Variants in PLEKHG1 observed in about 807,000 individuals in gnomAD.
PLEKHG1 encodes the protein pleckstrin homology domain-containing family G member 1.
A neutral mutation model predicts 100.8 loss-of-function variants in PLEKHG1; 44 were observed. That is an observed-to-expected ratio of 0.44 (90% CI 0.34 to 0.56). PLEKHG1 has a LOEUF of 0.56. Ranked by LOEUF, PLEKHG1 falls within the 20% of genes least tolerant of loss-of-function variation. PLEKHG1 has a pLI of 0.01. For synonymous variants in PLEKHG1, 640 were observed against 662.5 expected (o/e 0.97, Z 0.52); for missense variants, 1,545 against 1,720.9 (o/e 0.90, Z 1.81).
intron 3 of PLEKHG1, among the ~76,000 whole-genome samples, chr6:150,772,001 A>T (rs572084081): frequency 6.6e-6 from 1 of 152,330 alleles, no homozygotes; most frequent in East Asian, 1.9e-4. Context: ...GCATAAAGAT[A>T]TTATAAACAA....
chr6:150,840,068 C>T (rs1354508822), exon 16 of PLEKHG1: 1 of 1,614,110 alleles, frequency 6.2e-7, no homozygotes, highest in South Asian at 1.1e-5. Flanking sequence ...CAAGATATCC[C>T]ACGTTTGAGA....
chr6:150,634,764 T>C (rs1265535002), intron 1 of PLEKHG1, among the ~76,000 whole-genome samples: 2 of 152,232 alleles, frequency 1.3e-5, no homozygotes, highest in Admixed American at 6.5e-5. Context: ...AATCTTGATT[T>C]TGTAGAGAAC....
At chr6:150,808,868 A>T (rs970501133) in intron 7 of PLEKHG1, among the ~76,000 whole-genome samples, 1 of 152,176 alleles carries the variant, frequency 6.6e-6, no homozygotes, top group Non-Finnish European at 1.5e-5. Flanking sequence ...ATGATTAAGG[A>T]ATGGAAATAA....
intron 3 of PLEKHG1, among the ~76,000 whole-genome samples, chr6:150,705,826 A>T (rs1780982365): frequency 6.6e-6 from 1 of 152,164 alleles, no homozygotes. Context: ...CGGTGTGTTA[A>T]AAGTTTTATC....
At chr6:150,607,235 A>G (rs1406727235) in intron 1 of PLEKHG1, among the ~76,000 whole-genome samples, 1 of 152,120 alleles carries the variant, frequency 6.6e-6, no homozygotes, top group Non-Finnish European at 1.5e-5. Context: ...GTGACTAGCA[A>G]GCTGATTGCA....
At chr6:150,669,291 G>T (rs1338417521) in intron 3 of PLEKHG1, among the ~76,000 whole-genome samples, 1 of 152,102 alleles carries the variant, frequency 6.6e-6, no homozygotes, top group East Asian at 1.9e-4. Flanking sequence ...GAGGAGAAAA[G>T]ATGACTTTTG....
chr6:150,695,884 TG>T (rs1780524336), intron 3 of PLEKHG1, among the ~76,000 whole-genome samples: 2 of 152,162 alleles, frequency 1.3e-5, no homozygotes, highest in Admixed American at 1.3e-4. Flanking sequence ...CGTAAATAGC[TG>T]TGAAATGACT....
chr6:150,791,951 T>C (rs78275550), intron 4 of PLEKHG1, among the ~76,000 whole-genome samples: 11,665 of 152,174 alleles, frequency 0.077, 687 homozygotes, highest in African/African-American at 0.15. Context: ...GCTATTGTTA[T>C]TCTGAAATTA....
chr6:150,650,748 T>C (rs1036230044), exon 3 of PLEKHG1: 1 of 152,156 alleles, frequency 6.6e-6, no homozygotes, highest in Non-Finnish European at 1.5e-5. Flanking sequence ...ATGAGAAGAG[T>C]CTGTGGGTGA....
intron 2 of PLEKHG1, among the ~76,000 whole-genome samples, chr6:150,739,974 G>A (rs1782765467): frequency 6.6e-6 from 1 of 152,204 alleles, no homozygotes; most frequent in African/African-American, 2.4e-5. Context: ...TAGCCTAGAA[G>A]AGGCTTCTCT....
chr6:150,628,960 G>A (rs1777628322), intron 1 of PLEKHG1, among the ~76,000 whole-genome samples: 1 of 152,144 alleles, frequency 6.6e-6, no homozygotes, highest in Non-Finnish European at 1.5e-5. Flanking sequence ...GTGGGATTTG[G>A]GGAAGGGGAC....
intron 2 of PLEKHG1, among the ~76,000 whole-genome samples, chr6:150,647,064 T>C (rs1778532287): frequency 1.3e-5 from 2 of 152,222 alleles, no homozygotes; most frequent in African/African-American, 4.8e-5. Context: ...AACAAATTTA[T>C]TGGGCTCCTA....
chr6:150,741,466 A>G (rs1782851670), intron 2 of PLEKHG1, among the ~76,000 whole-genome samples: 1 of 152,180 alleles, frequency 6.6e-6, no homozygotes, highest in Admixed American at 6.5e-5. Context: ...TTCAGCTACC[A>G]TTTCTAAATT....
chr6:150,701,136 A>G (rs112341585), intron 3 of PLEKHG1, among the ~76,000 whole-genome samples: 6,528 of 151,742 alleles, frequency 0.043, 450 homozygotes, highest in African/African-American at 0.15. Context: ...CGTGGCCAAC[A>G]TGGTGAAACC....
At chr6:150,798,458 A>T (rs1312159467) in intron 5 of PLEKHG1, among the ~76,000 whole-genome samples, 2 of 152,228 alleles carry the variant, frequency 1.3e-5, no homozygotes, top group Non-Finnish European at 2.9e-5. Flanking sequence ...CAGCTTCTTT[A>T]TATGGCAGGC....
chr6:150,622,835 T>G (rs1562389633), intron 1 of PLEKHG1, among the ~76,000 whole-genome samples: 1 of 152,172 alleles, frequency 6.6e-6, no homozygotes, highest in African/African-American at 2.4e-5. Context: ...CAAGATCTCC[T>G]GAGTTCGTAA....
chr6:150,704,749 G>C (rs1780936384), intron 3 of PLEKHG1, among the ~76,000 whole-genome samples: 1 of 152,246 alleles, frequency 6.6e-6, no homozygotes, highest in African/African-American at 2.4e-5. Flanking sequence ...ACACAGACTG[G>C]TGGCTTAAAT....
At chr6:150,624,103 G>T (rs1057349378) in intron 1 of PLEKHG1, among the ~76,000 whole-genome samples, 1 of 152,236 alleles carries the variant, frequency 6.6e-6, no homozygotes, top group Admixed American at 6.5e-5. Context: ...AGATCCTGCA[G>T]TGACTACATG....
chr6:150,813,694 C>T (rs1055454292), intron 10 of PLEKHG1, among the ~76,000 whole-genome samples: 2 of 152,158 alleles, frequency 1.3e-5, no homozygotes, highest in African/African-American at 4.8e-5. Flanking sequence ...ATACCCTAAT[C>T]TGTAATTGAA....
Sources: gnomAD v4.1 joint callset for allele counts (sites outside exome capture counted in the v4.1 genomes callset) on GRCh38, gnomAD v4.1.1 for gene constraint, MANE v1.5 for transcripts, NCBI Gene and HGNC (gene_info 2026-07-23, HGNC 2026-07-21) for gene names.